Variants in EPB41L2 observed in about 807,000 individuals in gnomAD.
EPB41L2 encodes band 4.1-like protein 2.
A neutral mutation model predicts 113.0 loss-of-function variants in EPB41L2; 43 were observed. The ratio of observed to expected loss-of-function variants is 0.38; its 90% confidence interval spans 0.30 to 0.49. The LOEUF is 0.49. Among genes scored for constraint, EPB41L2 ranks in the 20% least tolerant of loss-of-function variants. The pLI is 0.95. For missense variants in EPB41L2, 1,147 were observed against 1,223.4 expected (o/e 0.94, Z 0.93); for synonymous variants, 442 against 436.7 (o/e 1.01, Z -0.15).
chr6:130,946,566 A>G (rs1032473163), intron 3 of EPB41L2, among the ~76,000 whole-genome samples: 1 of 152,216 alleles, frequency 6.6e-6, no homozygotes, highest in African/African-American at 2.4e-5. Flanking sequence ...TTTAGGAGAT[A>G]AAGAATAGGT....
intron 1 of EPB41L2, among the ~76,000 whole-genome samples, chr6:131,025,424 G>C (rs192527082): frequency 1.7e-4 from 26 of 152,272 alleles, no homozygotes; most frequent in African/African-American, 6.0e-4. Flanking sequence ...ATTTGATCGA[G>C]ATCAGACAGC....
At chr6:130,861,247 T>A (rs1781925006) in intron 18 of EPB41L2, among the ~76,000 whole-genome samples, 1 of 151,896 alleles carries the variant, frequency 6.6e-6, no homozygotes, top group African/African-American at 2.4e-5. Flanking sequence ...TAATTTTTTG[T>A]ATTTTTAGTA....
intron 1 of EPB41L2, among the ~76,000 whole-genome samples, chr6:131,057,885 A>T (rs1009405854): frequency 3.9e-5 from 6 of 152,316 alleles, no homozygotes; most frequent in African/African-American, 1.2e-4. Flanking sequence ...CCACTTTGGG[A>T]GCCTTTCCAT....
chr6:130,986,639 G>A (rs1222109171), intron 1 of EPB41L2, among the ~76,000 whole-genome samples: 1 of 150,998 alleles, frequency 6.6e-6, no homozygotes, highest in East Asian at 1.9e-4. Context: ...AGGCTGGAGT[G>A]CAGTGGCACG....
chr6:130,843,020 C>T (rs1435874234), intron 19 of EPB41L2, among the ~76,000 whole-genome samples: 1 of 61,556 alleles, frequency 1.6e-5, no homozygotes, highest in African/African-American at 8.5e-5. Context: ...AAGTTTAACT[C>T]TGAGTTATTA....
intron 13 of EPB41L2, 84 bp from the exon 14 acceptor site, chr6:130,878,334 C>T: frequency 7.1e-7 from 1 of 1,409,912 alleles, no homozygotes; most frequent in Non-Finnish European, 9.4e-7. Context: ...AAAAATAAGA[C>T]AAAGCAAACT....
intron 1 of EPB41L2, among the ~76,000 whole-genome samples, chr6:130,969,774 G>T (rs552355141): frequency 4.6e-4 from 70 of 152,202 alleles, no homozygotes; most frequent in Non-Finnish European, 8.4e-4. Context: ...TCTTTAAGAT[G>T]CTAAAAAGAA....
At chr6:130,864,003 C>T (rs1485863255) in intron 17 of EPB41L2, among the ~76,000 whole-genome samples, 1 of 152,222 alleles carries the variant, frequency 6.6e-6, no homozygotes, top group Non-Finnish European at 1.5e-5. Context: ...ATCTTAATCT[C>T]ACTTGATTAA....
At chr6:130,875,460 T>TCC (rs1407574674) in intron 14 of EPB41L2, among the ~76,000 whole-genome samples, 1 of 152,106 alleles carries the variant, frequency 6.6e-6, no homozygotes, top group Admixed American at 6.6e-5. Flanking sequence ...TCCTTCGTGC[T>TCC]CCCCCTTGCT....
At chr6:131,041,670 G>GGAAACTCTATAGAGCA (rs1794482804) in intron 1 of EPB41L2, among the ~76,000 whole-genome samples, 1 of 151,746 alleles carries the variant, frequency 6.6e-6, no homozygotes, top group Non-Finnish European at 1.5e-5. Flanking sequence ...CCAGAATGTG[G>GGAAACTCTATAGAGCA]GAAACTCTAT....
At chr6:130,893,689 C>A (rs1018196075) in intron 10 of EPB41L2, among the ~76,000 whole-genome samples, 5 of 152,140 alleles carry the variant, frequency 3.3e-5, no homozygotes, top group Non-Finnish European at 7.3e-5. Flanking sequence ...AGCACTTGGA[C>A]AGCACAGGTC....
chr6:130,949,676 T>C (rs1317839594), intron 3 of EPB41L2, among the ~76,000 whole-genome samples: 1 of 151,746 alleles, frequency 6.6e-6, no homozygotes. Context: ...TAAAACTGAA[T>C]GGTAATGAAA....
intron 1 of EPB41L2, among the ~76,000 whole-genome samples, chr6:130,966,496 C>A (rs539713648): frequency 1.4e-5 from 2 of 139,190 alleles, no homozygotes; most frequent in Non-Finnish European, 3.0e-5. Context: ...ATAAAGGATG[C>A]GAATATGCAT....
intron 14 of EPB41L2, 30 bp downstream of exon 14, chr6:130,878,074 G>A (rs1372014596): frequency 6.4e-7 from 1 of 1,553,238 alleles, no homozygotes; most frequent in Non-Finnish European, 8.7e-7. Context: ...ACTGAAGTGA[G>A]ACAGAGCCAA....
At position 130,914,160 on chromosome 6, in the gene EPB41L2, T is replaced by C. The variant is rs535887979; in HGVS notation, c.811-5297A>G. 5.1e-4 allele frequency among the ~76,000 whole-genome samples: 78 copies of C among 152,316 alleles called. 2 individuals are homozygous for C. The South Asian group carries it at 0.015, about 29-fold the overall frequency. On this transcript the variant is annotated intron_variant, in intron 4 of 19. Coordinates refer to ENST00000337057, the MANE Select transcript of EPB41L2 (RefSeq NM_001431.4). Reference sequence around the variant, plus strand: ...AATGGGGATCACAACATCTACCTCATAGGGTAGTTCTTTTCAAACAATATT... The same window carrying C: ...AATGGGGATCACAACATCTACCTCACAGGGTAGTTCTTTTCAAACAATATT...
At chr6:130,915,587 T>C (rs1034219858) in intron 4 of EPB41L2, among the ~76,000 whole-genome samples, 1 of 152,200 alleles carries the variant, frequency 6.6e-6, no homozygotes, top group Non-Finnish European at 1.5e-5. Context: ...CAGTAGCTAC[T>C]AGATTTGATA....
intron 1 of EPB41L2, among the ~76,000 whole-genome samples, chr6:130,968,505 T>C (rs980353279): frequency 6.6e-6 from 1 of 152,230 alleles, no homozygotes; most frequent in Admixed American, 6.5e-5. Flanking sequence ...TACCAATACA[T>C]AGCATATATT....
At chr6:130,858,621 AAAGT>A (rs1781023783) in intron 18 of EPB41L2, among the ~76,000 whole-genome samples, 2 of 152,254 alleles carry the variant, frequency 1.3e-5, no homozygotes, top group African/African-American at 2.4e-5. Context: ...TGTGTGAACT[AAAGT>A]AATGCTGTAA....
chr6:130,872,079 T>C (rs1340960622), intron 14 of EPB41L2, among the ~76,000 whole-genome samples: 2 of 152,222 alleles, frequency 1.3e-5, no homozygotes, highest in African/African-American at 4.8e-5. Flanking sequence ...AAAGCATATC[T>C]GGTTGAGGGT....
Sources: gnomAD v4.1 joint callset for allele counts (sites outside exome capture counted in the v4.1 genomes callset) on GRCh38, gnomAD v4.1.1 for gene constraint, MANE v1.5 for transcripts, NCBI Gene and HGNC (gene_info 2026-07-23, HGNC 2026-07-21) for gene names.